The following ZC3H7B variants were observed in gnomAD, a reference collection of about 807,000 sequenced individuals.
The protein encoded by ZC3H7B is zinc finger CCCH-type containing 7B.
A neutral mutation model predicts 116.0 loss-of-function variants in ZC3H7B; 35 were observed. The observed-to-expected ratio is 0.30, with a 90% CI of 0.23 to 0.40. The LOEUF (loss-of-function observed/expected upper bound fraction) is 0.40, where lower values mean the gene tolerates loss of function less well. ZC3H7B is among the 10% of genes least tolerant of loss of function. ZC3H7B has a pLI of 1.00. For synonymous variants in ZC3H7B, 502 were observed against 545.6 expected, an observed-to-expected ratio of 0.92 and a Z score of 1.11; for missense variants, 1,011 against 1,321.5, an observed-to-expected ratio of 0.77 and a Z score of 3.64.
chr22:41,320,396 G>A (rs1054826067), intron 1 of ZC3H7B, among the ~76,000 whole-genome samples: 1 of 151,876 alleles, frequency 6.6e-6, no homozygotes, highest in African/African-American at 2.4e-5. Context: ...TGTAGCTCAA[G>A]CCTGTGTGGG....
At chr22:41,344,028 C>G (rs1431336829) in intron 13 of ZC3H7B, among the ~76,000 whole-genome samples, 2 of 152,226 alleles carry the variant, frequency 1.3e-5, no homozygotes, top group Admixed American at 6.5e-5. Flanking sequence ...TCATTTCTGG[C>G]TCACATCAGC....
At chr22:41,332,324 A>T in intron 7 of ZC3H7B, 97 bp downstream of exon 7, 1 of 1,463,356 alleles carries the variant, frequency 6.8e-7, no homozygotes. Flanking sequence ...CAGTGGGTCC[A>T]GGGGCCTCCG....
At chr22:41,341,005 G>A (rs546543820) in intron 10 of ZC3H7B, 83 bp from the exon 11 acceptor site, 27 of 1,371,742 alleles carry the variant, frequency 2.0e-5, no homozygotes, top group Non-Finnish European at 2.3e-5. Context: ...CTCCGAGTCA[G>A]CAATACATAA....
chr22:41,335,493 G>A (rs1353480548), intron 7 of ZC3H7B: 2 of 152,314 alleles, frequency 1.3e-5, no homozygotes, highest in East Asian at 3.8e-4. Context: ...TTTGTCCTGC[G>A]TGGCCTGGGA....
chr22:41,348,860 G>A (rs1042116533), intron 15 of ZC3H7B, among the ~76,000 whole-genome samples: 3 of 152,198 alleles, frequency 2.0e-5, no homozygotes, highest in Non-Finnish European at 4.4e-5. Context: ...ACCTGAGGGC[G>A]GTGCCCTTTG....
chr22:41,330,564 C>T (rs571612734), intron 6 of ZC3H7B, among the ~76,000 whole-genome samples: 1 of 152,198 alleles, frequency 6.6e-6, no homozygotes, highest in Non-Finnish European at 1.5e-5. Context: ...CAAGTTAGTT[C>T]ATCTCTTTCC....
In ZC3H7B at chr22:41,305,074, C is replaced by A. The variant is rs547878270; in HGVS notation, c.-7+3302C>A. Among the ~76,000 whole-genome samples the A allele has an allele frequency of 2.0e-5, 3 of 152,142 alleles. No homozygotes were observed. The South Asian group carries it at 6.2e-4, about 32-fold the overall frequency. On this transcript the variant is annotated intron_variant, in intron 1 of 22. Transcript: ENST00000352645. ...TAAAAACACAAAAATTGGCCGGCTG[C>A]GGTGGCTCACGCCTGTAATCCCAGC...
At chr22:41,319,247 A>C (rs1449311048) in intron 1 of ZC3H7B, among the ~76,000 whole-genome samples, 1 of 152,146 alleles carries the variant, frequency 6.6e-6, no homozygotes, top group Non-Finnish European at 1.5e-5. Flanking sequence ...TAAAAATACA[A>C]AAAATTAGCT....
Position 41,330,196 on chromosome 22 carries a change from G to A in ZC3H7B, c.525+93G>A, listed in dbSNP as rs2036364634. On this transcript the variant is annotated intron_variant, in intron 6 of 22. Transcript: ENST00000352645. ...TCCGTGGGGAAGGTGGGTGAGGGTG[G>A]CCAGGGCTGGGTTAGGACAGAGGGG... 2.9e-6 allele frequency: 4 copies of A among 1,371,248 alleles called. No homozygotes were observed. The East Asian group carries it at 7.1e-5, about 24-fold the overall frequency. The allele number at this position is 1,371,248 out of a possible 1,614,324, so 84.9% of individuals were successfully genotyped here. A position where few individuals can be genotyped will look rare whatever the true frequency, so the allele number is the denominator to read the frequency against.
chr22:41,309,825 T>G (rs1228818634), intron 1 of ZC3H7B, among the ~76,000 whole-genome samples: 1 of 152,064 alleles, frequency 6.6e-6, no homozygotes, highest in African/African-American at 2.4e-5. Context: ...CATGGTTATT[T>G]GTTGAATAAA....
chr22:41,337,546 C>T (rs958373193), intron 7 of ZC3H7B, among the ~76,000 whole-genome samples: 1 of 152,194 alleles, frequency 6.6e-6, no homozygotes, highest in Non-Finnish European at 1.5e-5. Context: ...GGGTTTATGC[C>T]CTTCTCTGCT....
chr22:41,320,464 G>A (rs1046190592), intron 1 of ZC3H7B, among the ~76,000 whole-genome samples, 191 bp from the exon 2 acceptor site: 5 of 151,992 alleles, frequency 3.3e-5, no homozygotes, highest in African/African-American at 1.2e-4. Flanking sequence ...CAATCTAGGA[G>A]TCCAGGGGGC....
intron 13 of ZC3H7B, among the ~76,000 whole-genome samples, chr22:41,343,836 G>C (rs2036553734): frequency 1.3e-5 from 2 of 152,162 alleles, no homozygotes; most frequent in South Asian, 4.1e-4. Context: ...CCCGTCACTG[G>C]CCTGTGCTCT....
rs559469273 is a variant in ZC3H7B at position 41,324,055 on chromosome 22, G to A, written c.54-1509G>A. Among the ~76,000 whole-genome samples, 17 of 152,064 alleles carry A rather than the reference G, an allele frequency of 1.1e-4. No individual in the cohort carries two copies. The South Asian group carries it at 3.5e-3, about 32-fold the overall frequency. ...ACTGCACTCCAGCCTGGGCGACACA[G>A]CGAGACTCTGTCTGGAAAAAAAAAA... On this transcript the variant is annotated intron_variant, in intron 2 of 22. Coordinates refer to ENST00000352645, the MANE Select transcript of ZC3H7B (RefSeq NM_017590.6).
chr22:41,349,376 G>T lies in ZC3H7B; in HGVS notation c.1948+75G>T. 6.4e-7 allele frequency: 1 copy of T among 1,562,782 alleles called. No homozygotes were observed. On this transcript the variant is annotated intron_variant, in intron 16 of 22. Coordinates refer to ENST00000352645, the MANE Select transcript of ZC3H7B (RefSeq NM_017590.6). This position sits in a 1 kb window ranked among gnomAD's most constrained non-coding sequence, Gnocchi z 4.9. Reference sequence around the variant, plus strand: ...AGGCGGCGCAGGTGAAGGGAGCGCAGGACTGACTGGGGTGACAGGCCAGGG... The same window carrying T: ...AGGCGGCGCAGGTGAAGGGAGCGCATGACTGACTGGGGTGACAGGCCAGGG...
chr22:41,308,067 CACCCACTGCTCTTCCT>C (rs2036068695), intron 1 of ZC3H7B, among the ~76,000 whole-genome samples: 1 of 152,148 alleles, frequency 6.6e-6, no homozygotes, highest in Admixed American at 6.6e-5. Flanking sequence ...CATCATCACC[CACCCACTGCTCTTCCT>C]ACCCAGTCCA....
rs774332597 is a variant in ZC3H7B, at chr22:41,341,118, CT to C, written c.1170del (p.Ser391AlafsTer98). 1 of 1,614,002 alleles carries C rather than the reference CT, an allele frequency of 6.2e-7. No homozygotes were observed. The highest frequency in any genetic ancestry group is 1.1e-5 in the South Asian group (1 of 91,084). On this transcript the variant is annotated frameshift_variant, in exon 11 of 23. Coordinates refer to ENST00000352645, the MANE Select transcript of ZC3H7B (RefSeq NM_017590.6). LOFTEE classifies it high-confidence loss of function. ...ACCAACTCACAGGACCACCGTCCCCCTAGCGGTGCTCAGAAACCAGCCCCCT... is the reference window on the plus strand; with the variant it reads ...ACCAACTCACAGGACCACCGTCCCCCAGCGGTGCTCAGAAACCAGCCCCCT... The part of the protein sequence containing the change: ...EETNSQDHRP[P>X]SGAQKPAPSP...
In ZC3H7B at chr22:41,346,387, C is replaced by T. The variant is rs1485412225; in HGVS notation, c.1665+179C>T. 6.6e-6 allele frequency among the ~76,000 whole-genome samples: 1 copy of T among 152,204 alleles called. No individual in the cohort carries two copies. ...GTCTGGGCCCTAGGATCCTATCTTG[C>T]TAGAGGCCAGATCTGATCCAGCCCC... On this transcript the variant is annotated intron_variant, in intron 14 of 22. Transcript: ENST00000352645. This position sits in a 1 kb window ranked among gnomAD's most constrained non-coding sequence, Gnocchi z 5.3.
intron 5 of ZC3H7B, among the ~76,000 whole-genome samples, chr22:41,328,454 C>T (rs1263896700): frequency 6.6e-6 from 1 of 152,184 alleles, no homozygotes; most frequent in Admixed American, 6.5e-5. Context: ...GCCCTGGCCT[C>T]TAGGAGATTG....
Sources: gnomAD v4.1 joint callset for allele counts (sites outside exome capture counted in the v4.1 genomes callset) on GRCh38, gnomAD v4.1.1 for gene constraint, Gnocchi (gnomAD v3.1) non-coding constraint, MANE v1.5 for transcripts, NCBI Gene and HGNC (gene_info 2026-07-23, HGNC 2026-07-21) for gene names.